The following PDE4D variants were observed in gnomAD, a reference collection of about 807,000 sequenced individuals.
PDE4D encodes phosphodiesterase 4D, also known as 3',5'-cyclic-AMP phosphodiesterase 4D.
Under a neutral mutation model 87.4 loss-of-function variants are expected in PDE4D, and 24 were observed. That is an observed-to-expected ratio of 0.27 (90% CI 0.20 to 0.39). The LOEUF (loss-of-function observed/expected upper bound fraction) is 0.39, where lower values mean the gene tolerates loss of function less well. Among genes scored for constraint, PDE4D ranks in the 10% least tolerant of loss-of-function variants. The probability of loss-of-function intolerance (pLI) is 1.00; values close to 1 mark genes in which losing one functional copy is unlikely to be tolerated. For missense variants in PDE4D, 714 were observed against 1,041.0 expected (o/e 0.69, Z 4.32); for synonymous variants, 384 against 383.2 (o/e 1.00, Z -0.02).
intron 1 of PDE4D, among the ~76,000 whole-genome samples, chr5:60,218,092 CA>C (rs1325830151): frequency 6.6e-6 from 1 of 151,898 alleles, no homozygotes; most frequent in Non-Finnish European, 1.5e-5. Context: ...TCAAAAATCA[CA>C]ACAGACATTC....
chr5:59,123,000 A>T lies in PDE4D; in HGVS notation c.808+57595T>A, dbSNP rs537766754. On this transcript the variant is annotated intron_variant, in intron 5 of 14. Transcript: ENST00000340635. ...TCAGACACAGCCTCTTAGGGTTTTT[A>T]AAATGGCATTCTGCATTCTCTGTTT... 9.9e-5 allele frequency among the ~76,000 whole-genome samples: 15 copies of T among 152,274 alleles called. No homozygotes were observed. In the East Asian group the frequency reaches 2.5e-3, roughly 26 times the overall value.
intron 1 of PDE4D, among the ~76,000 whole-genome samples, chr5:60,408,440 A>AG (rs1312205905): frequency 4.6e-5 from 7 of 152,298 alleles, no homozygotes; most frequent in African/African-American, 1.7e-4. Context: ...TTGCCAACTG[A>AG]GGCTCTGAGG....
chr5:60,266,758 T>C (rs1750253594), intron 1 of PDE4D, among the ~76,000 whole-genome samples: 1 of 152,234 alleles, frequency 6.6e-6, no homozygotes, highest in Non-Finnish European at 1.5e-5. Context: ...ACCCAAGTTA[T>C]ACCCATCTTT....
At chr5:59,074,759 A>G (rs1018189570) in intron 5 of PDE4D, among the ~76,000 whole-genome samples, 33 of 152,150 alleles carry the variant, frequency 2.2e-4, no homozygotes, top group African/African-American at 7.7e-4. Context: ...ACACTGTTTC[A>G]AAAAATAAAA....
chr5:59,394,988 C>G (rs1041675768), intron 1 of PDE4D, among the ~76,000 whole-genome samples: 1 of 152,096 alleles, frequency 6.6e-6, no homozygotes. Context: ...CCTGGAGAAT[C>G]GGGTCACTCC....
chr5:60,018,122 T>A (rs1765701842), intron 2 of PDE4D, among the ~76,000 whole-genome samples: 1 of 151,782 alleles, frequency 6.6e-6, no homozygotes, highest in East Asian at 1.9e-4. Flanking sequence ...TTCATGTCCA[T>A]CAGATTAACA....
intron 2 of PDE4D, chr5:59,193,861 C>T: frequency 2.4e-6 from 2 of 831,234 alleles, no homozygotes; most frequent in East Asian, 1.2e-4. Flanking sequence ...TGGCCTCTTA[C>T]TGTAGATATT....
intron 1 of PDE4D, among the ~76,000 whole-genome samples, chr5:59,495,683 T>C (rs1243709777): frequency 1.3e-5 from 2 of 152,182 alleles, no homozygotes; most frequent in Admixed American, 1.3e-4. Context: ...GACATGCAGC[T>C]AGGGGCAGCT....
At chr5:59,677,303 C>T (rs1168076520) in intron 1 of PDE4D, among the ~76,000 whole-genome samples, 1 of 152,046 alleles carries the variant, frequency 6.6e-6, no homozygotes, top group Non-Finnish European at 1.5e-5. Context: ...ATACGCCATC[C>T]ATATATTAGT....
intron 1 of PDE4D, among the ~76,000 whole-genome samples, chr5:59,462,549 C>T (rs889491624): frequency 2.0e-5 from 3 of 152,096 alleles, no homozygotes; most frequent in Non-Finnish European, 4.4e-5. Context: ...CTTAGTTAAG[C>T]AGATCAATAT....
rs543763594 is a variant in PDE4D at position 60,331,220 on chromosome 5, T to C, written c.-89-145533A>G. 5.3e-5 allele frequency among the ~76,000 whole-genome samples: 8 copies of C among 152,298 alleles called. No individual in the cohort carries two copies. In the East Asian group the frequency reaches 1.5e-3, roughly 29 times the overall value. On this transcript the variant is annotated intron_variant, in intron 1 of 16. Transcript: ENST00000502484. ...ACCTAAGGTTTAATCTCAGCTCAAC[T>C]TCTTACCAAGTCAGTTGCCTTGGGT...
chr5:59,934,972 C>A (rs572856133), intron 3 of PDE4D, among the ~76,000 whole-genome samples: 19 of 152,096 alleles, frequency 1.2e-4, no homozygotes, highest in African/African-American at 4.1e-4. Context: ...TTTATTCCAC[C>A]GTAAATATAA....
chr5:59,988,565 T>G (rs1396192778), exon 3 of PDE4D: 6 of 1,599,362 alleles, frequency 3.8e-6, no homozygotes, highest in Non-Finnish European at 5.1e-6. Flanking sequence ...GAATGTTCTC[T>G]GATTCACTTT....
intron 1 of PDE4D, among the ~76,000 whole-genome samples, chr5:59,480,260 G>A (rs1804019347): frequency 6.6e-6 from 1 of 151,494 alleles, no homozygotes; most frequent in South Asian, 2.1e-4. Context: ...AAAAAGGATA[G>A]AATAGTTTAC....
chr5:60,048,879 A>G (rs909990271), intron 2 of PDE4D, among the ~76,000 whole-genome samples: 5 of 152,020 alleles, frequency 3.3e-5, no homozygotes, highest in Non-Finnish European at 5.9e-5. Context: ...TCTTTTTGGC[A>G]TTCTCTGTAT....
At chr5:59,524,510 A>G (rs1040543257) in intron 1 of PDE4D, among the ~76,000 whole-genome samples, 2 of 152,206 alleles carry the variant, frequency 1.3e-5, no homozygotes, top group Non-Finnish European at 2.9e-5. Context: ...GCACACCATA[A>G]AAGTTTGAGA....
At position 59,107,283 on chromosome 5, in the gene PDE4D, C is replaced by T. The variant is rs549295960; in HGVS notation, c.809-68312G>A. Among the ~76,000 whole-genome samples the T allele has an allele frequency of 7.9e-5, 12 of 152,214 alleles. No individual in the cohort carries two copies. The East Asian group carries it at 2.3e-3, about 29-fold the overall frequency. On this transcript the variant is annotated intron_variant, in intron 5 of 14. Coordinates refer to ENST00000340635, the MANE Select transcript of PDE4D (RefSeq NM_001104631.2). ...CTGGAGTGCAGTGGCACGATCTTGG[C>T]TCGCAACATCCGCCTCCCAGGTGCA... is the stretch of plus-strand genomic sequence containing the variant.
At chr5:59,006,256 T>G (rs908046997) in intron 6 of PDE4D, among the ~76,000 whole-genome samples, 3 of 152,186 alleles carry the variant, frequency 2.0e-5, no homozygotes, top group Non-Finnish European at 4.4e-5. Flanking sequence ...GCAAGTGTGT[T>G]TGTTGAAATA....
intron 1 of PDE4D, among the ~76,000 whole-genome samples, chr5:59,634,031 G>C (rs1831924828): frequency 6.7e-6 from 1 of 148,414 alleles, no homozygotes; most frequent in East Asian, 2.0e-4. Flanking sequence ...AAAAATAAAG[G>C]GATGGAGGAA....
Sources: allele counts gnomAD v4.1 joint callset (sites outside exome capture counted in the v4.1 genomes callset), GRCh38; gene constraint gnomAD v4.1.1; transcripts MANE v1.5; gene names NCBI Gene and HGNC (gene_info 2026-07-23, HGNC 2026-07-21).